LEPR: variants seen among roughly 807,000 people sequenced by gnomAD.
LEPR encodes the protein leptin receptor.
LEPR carries 56 observed loss-of-function variants against 114.7 expected under a neutral mutation model. The ratio of observed to expected loss-of-function variants is 0.49; its 90% CI spans 0.39 to 0.61. The LOEUF is 0.61. Ranked by LOEUF, LEPR falls within the 20% of genes least tolerant of loss-of-function variation. The pLI, the probability that LEPR is intolerant of heterozygous loss-of-function variation, is 0.00. For missense variants in LEPR, 1,202 were observed against 1,352.9 expected (o/e 0.89, Z 1.75); for synonymous variants, 443 against 461.4 (o/e 0.96, Z 0.51).
intron 8 of LEPR, among the ~76,000 whole-genome samples, 185 bp downstream of exon 8, chr1:65,598,989 G>C (rs988227675): frequency 6.6e-5 from 10 of 152,082 alleles, no homozygotes; most frequent in African/African-American, 2.4e-4. Context: ...CTCTAGGCTT[G>C]TGTGTTTCTA....
At chr1:65,574,411 A>T (rs1570729757) in intron 5 of LEPR, among the ~76,000 whole-genome samples, 1 of 149,846 alleles carries the variant, frequency 6.7e-6, no homozygotes, top group Non-Finnish European at 1.5e-5. Flanking sequence ...AATAAAAAAA[A>T]TTTAAATTTG....
chr1:65,495,337 C>T (rs1182103079), intron 2 of LEPR, among the ~76,000 whole-genome samples: 1 of 152,076 alleles, frequency 6.6e-6, no homozygotes, highest in East Asian at 1.9e-4. Flanking sequence ...CAAATCAAAA[C>T]CATGATAACA....
intron 19 of LEPR, chr1:65,634,538 G>A (rs1658647570): frequency 1.1e-6 from 1 of 942,020 alleles, no homozygotes; most frequent in Non-Finnish European, 1.3e-6. Context: ...TAGTATATGA[G>A]TATGAGATTT....
rs1018367031 is a variant in LEPR, at chr1:65,641,258, T to G, written c.*4243T>G. ...AAAAACCTGGAACTGAGACTGAATT[T>G]GGAAGACATTTAATTTTGTAGTGAG... On this transcript the variant is annotated 3_prime_UTR_variant, in exon 20 of 20. Transcript: ENST00000349533. 2 of 152,164 alleles carry G rather than the reference T, an allele frequency of 1.3e-5. No individual in the cohort carries two copies. The highest frequency in any genetic ancestry group is 2.9e-5 in the Non-Finnish European group (2 of 67,994). The allele number at this position is 152,164 out of a possible 1,614,324, so 9.4% of individuals were successfully genotyped here.
intron 2 of LEPR, among the ~76,000 whole-genome samples, chr1:65,498,213 C>T (rs994760908): frequency 6.6e-6 from 1 of 152,060 alleles, no homozygotes; most frequent in Non-Finnish European, 1.5e-5. Flanking sequence ...ACCCCTACAA[C>T]GTTGACTTAG....
At chr1:65,497,502 C>A (rs1000282878) in intron 2 of LEPR, among the ~76,000 whole-genome samples, 2 of 152,092 alleles carry the variant, frequency 1.3e-5, no homozygotes, top group African/African-American at 4.8e-5. Flanking sequence ...CTTTGTCCTG[C>A]AGGATTGCTT....
chr1:65,571,767 A>G (rs1654179045), intron 4 of LEPR, among the ~76,000 whole-genome samples: 1 of 142,702 alleles, frequency 7.0e-6, no homozygotes, highest in Non-Finnish European at 1.5e-5. Context: ...CAGCCTGGGC[A>G]ACATAATGAA....
intron 2 of LEPR, among the ~76,000 whole-genome samples, chr1:65,564,083 C>G (rs1305308142): frequency 4.1e-5 from 6 of 145,656 alleles, no homozygotes; most frequent in South Asian, 2.3e-4. Flanking sequence ...GGGCTCCACC[C>G]AGTTGGAGCT....
chr1:65,582,854 C>G (rs889261100), intron 5 of LEPR, among the ~76,000 whole-genome samples: 9 of 152,136 alleles, frequency 5.9e-5, no homozygotes, highest in Admixed American at 4.6e-4. Flanking sequence ...TAAATTTTCT[C>G]TGTTACACAT....
intron 2 of LEPR, chr1:65,432,707 T>A: frequency 1.1e-6 from 1 of 880,410 alleles, no homozygotes; most frequent in Non-Finnish European, 1.4e-6. Flanking sequence ...AAGCCTCAGT[T>A]AGGAGGAATA....
chr1:65,509,449 G>T (rs1017259542), intron 2 of LEPR, among the ~76,000 whole-genome samples: 4 of 152,016 alleles, frequency 2.6e-5, no homozygotes, highest in African/African-American at 9.7e-5. Context: ...ATGATCATAT[G>T]TTTTTTGTCC....
At chr1:65,431,057 A>T (rs1335584200) in intron 2 of LEPR, among the ~76,000 whole-genome samples, 4 of 152,234 alleles carry the variant, frequency 2.6e-5, no homozygotes, top group Non-Finnish European at 5.9e-5. Context: ...AAACCTGATT[A>T]GCAATGGTCT....
intron 2 of LEPR, among the ~76,000 whole-genome samples, chr1:65,548,940 C>A (rs954950179): frequency 6.6e-6 from 1 of 152,308 alleles, no homozygotes; most frequent in South Asian, 2.1e-4. Context: ...TTTGCAGTGG[C>A]TGGTACCAGT....
intron 2 of LEPR, among the ~76,000 whole-genome samples, chr1:65,456,358 C>G (rs948139853): frequency 1.3e-5 from 2 of 152,100 alleles, no homozygotes; most frequent in Non-Finnish European, 2.9e-5. Flanking sequence ...TTGAGTTCAA[C>G]TTTGTCCTTA....
intron 7 of LEPR, among the ~76,000 whole-genome samples, chr1:65,596,934 T>A (rs1656104185): frequency 6.6e-6 from 1 of 152,090 alleles, no homozygotes; most frequent in African/African-American, 2.4e-5. Flanking sequence ...TTAGTCGAGC[T>A]TCTGAATCTT....
rs202044069 is a variant in LEPR at position 65,519,109 on chromosome 1, C to CTCCTTCCTTCCTTCCTTCCT, written c.-20-46411_-20-46392dup. ...TTCCTTCCATCCTCTGTGTCTCTCT[C>CTCCTTCCTTCCTTCCTTCCT]TCCTTCCTTCCTTCCTTCCTTCCTT... On this transcript the variant is annotated intron_variant, in intron 2 of 19. Transcript: ENST00000349533. Among the ~76,000 whole-genome samples the CTCCTTCCTTCCTTCCTTCCT allele has an allele frequency of 3.6e-4, 40 of 109,678 alleles. No homozygotes were observed. The Middle Eastern group carries it at 0.013, about 35-fold the overall frequency. The allele number at this position is 109,678 out of a possible 152,430, so 72.0% of individuals were successfully genotyped here. A position where few individuals can be genotyped will look rare whatever the true frequency, so the allele number is the denominator to read the frequency against.
intron 5 of LEPR, 61 bp from the exon 6 acceptor site, chr1:65,592,596 T>TA: frequency 6.3e-7 from 1 of 1,579,340 alleles, no homozygotes; most frequent in Non-Finnish European, 8.7e-7. Flanking sequence ...TATCCTGCTT[T>TA]AAAAGCCTAT....
chr1:65,422,593 T>G (rs1220891346), intron 1 of LEPR, among the ~76,000 whole-genome samples: 1 of 152,262 alleles, frequency 6.6e-6, no homozygotes, highest in Non-Finnish European at 1.5e-5. Flanking sequence ...GAAGAGGCGA[T>G]GCTTGAACTG....
intron 19 of LEPR, chr1:65,626,231 A>G: frequency 6.6e-7 from 1 of 1,526,152 alleles, no homozygotes; most frequent in Admixed American, 2.0e-5. Flanking sequence ...AGGTGTGCAC[A>G]ATGCTGCCAC....
Sources: gnomAD v4.1 joint callset for allele counts (sites outside exome capture counted in the v4.1 genomes callset) on GRCh38, gnomAD v4.1.1 for gene constraint, MANE v1.5 for transcripts, NCBI Gene and HGNC (gene_info 2026-07-23, HGNC 2026-07-21) for gene names.